Variants in CNTNAP5 observed in about 807,000 individuals in gnomAD.
The protein encoded by CNTNAP5 is contactin associated protein family member 5.
CNTNAP5 carries 72 observed loss-of-function variants against 150.2 expected under a neutral mutation model. The ratio of observed to expected loss-of-function variants is 0.48; its 90% CI spans 0.40 to 0.58. The LOEUF (loss-of-function observed/expected upper bound fraction) is 0.58. Ranked by LOEUF, CNTNAP5 falls within the 20% of genes least tolerant of loss-of-function variation. The probability of loss-of-function intolerance (pLI) is 0.00; values close to 1 mark genes in which losing one functional copy is unlikely to be tolerated. For synonymous variants in CNTNAP5, 672 were observed against 619.8 expected (o/e 1.08, Z -1.25); for missense variants, 1,636 against 1,626.2 (o/e 1.01, Z -0.10).
intron 3 of CNTNAP5, among the ~76,000 whole-genome samples, chr2:124,264,089 A>C (rs1004256709): frequency 6.6e-6 from 1 of 152,052 alleles, no homozygotes; most frequent in East Asian, 1.9e-4. Context: ...TATTTTTGCT[A>C]TATGTAGGAA....
intron 1 of CNTNAP5, among the ~76,000 whole-genome samples, chr2:124,031,103 T>C (rs1321192923): frequency 8.9e-4 from 1 of 1,122 alleles, no homozygotes; most frequent in Admixed American, 0.015. Context: ...ATACCCTTTT[T>C]CTTTGTTATC....
At chr2:124,730,462 C>A (rs1250576433) in intron 13 of CNTNAP5, among the ~76,000 whole-genome samples, 1 of 151,912 alleles carries the variant, frequency 6.6e-6, no homozygotes, top group Admixed American at 6.6e-5. Context: ...TCATCCCTGC[C>A]CTTAAGTAGA....
At chr2:124,160,402 A>G (rs1470825315) in intron 1 of CNTNAP5, among the ~76,000 whole-genome samples, 1 of 152,020 alleles carries the variant, frequency 6.6e-6, no homozygotes, top group African/African-American at 2.4e-5. Context: ...GTGGAAAGAA[A>G]TGGGATAACA....
chr2:124,329,264 TGTG>T (rs1689291555), intron 3 of CNTNAP5, among the ~76,000 whole-genome samples: 1 of 152,206 alleles, frequency 6.6e-6, no homozygotes, highest in Non-Finnish European at 1.5e-5. Flanking sequence ...AAATGTGTGG[TGTG>T]GTGACAACTT....
At chr2:124,586,412 G>A (rs1226651898) in intron 11 of CNTNAP5, among the ~76,000 whole-genome samples, 2 of 152,136 alleles carry the variant, frequency 1.3e-5, no homozygotes, top group Non-Finnish European at 2.9e-5. Context: ...GCGGAGCCAG[G>A]AGCGGGTGCT....
intron 13 of CNTNAP5, among the ~76,000 whole-genome samples, chr2:124,673,101 G>T (rs181189658): frequency 2.6e-5 from 4 of 152,244 alleles, no homozygotes; most frequent in Admixed American, 2.0e-4. Context: ...AATGTAAATT[G>T]TGTGCTTAAT....
intron 13 of CNTNAP5, among the ~76,000 whole-genome samples, chr2:124,694,433 A>G (rs1186593598): frequency 1.3e-5 from 2 of 152,132 alleles, no homozygotes; most frequent in East Asian, 3.9e-4. Context: ...GCTCTTTTCT[A>G]TAGTGAAATA....
intron 8 of CNTNAP5, among the ~76,000 whole-genome samples, chr2:124,519,474 G>A (rs1192049668): frequency 6.6e-6 from 1 of 152,150 alleles, no homozygotes; most frequent in African/African-American, 2.4e-5. Flanking sequence ...AGGGCTGGCT[G>A]GAGTTGCCAG....
At chr2:124,163,601 G>T (rs1215540422) in intron 1 of CNTNAP5, among the ~76,000 whole-genome samples, 1 of 152,052 alleles carries the variant, frequency 6.6e-6, no homozygotes, top group African/African-American at 2.4e-5. Flanking sequence ...GTCAATACAA[G>T]CAACACTGGC....
chr2:124,644,573 A>G (rs1256975168), intron 12 of CNTNAP5, among the ~76,000 whole-genome samples: 5 of 152,362 alleles, frequency 3.3e-5, no homozygotes, highest in South Asian at 4.1e-4. Context: ...ATGAAAATCT[A>G]TGTTTACTTA....
chr2:124,342,050 C>T (rs1231250187), intron 3 of CNTNAP5, among the ~76,000 whole-genome samples: 4 of 152,118 alleles, frequency 2.6e-5, no homozygotes, highest in Non-Finnish European at 5.9e-5. Context: ...AGGATAAAAT[C>T]TCAAACACGA....
intron 10 of CNTNAP5, among the ~76,000 whole-genome samples, chr2:124,559,172 G>A (rs1384107471): frequency 6.6e-6 from 1 of 152,042 alleles, no homozygotes; most frequent in African/African-American, 2.4e-5. Context: ...TCTATTACCT[G>A]GATTGTCAAT....
In CNTNAP5 at chr2:124,261,952, T is replaced by C. The variant is rs75720171; in HGVS notation, c.381+19559T>C. 5.2e-3 allele frequency among the ~76,000 whole-genome samples: 797 copies of C among 152,314 alleles called. 7 individuals carry two copies. The highest frequency in any genetic ancestry group is 0.012 in the African/African-American group (516 of 41,578). ...ATTGTAGCTACTTATTAGTTATTTA[T>C]AACCCACCACAGCTGGTTCGGTGGC... On this transcript the variant is annotated intron_variant, in intron 3 of 23. Transcript: ENST00000682447.
intron 3 of CNTNAP5, among the ~76,000 whole-genome samples, chr2:124,361,910 C>T (rs957351089): frequency 2.0e-5 from 3 of 151,866 alleles, no homozygotes; most frequent in Admixed American, 6.6e-5. Context: ...CCCCCAGCCT[C>T]GCTGCCGCCT....
At chr2:124,470,959 T>C (rs1003232482) in intron 6 of CNTNAP5, among the ~76,000 whole-genome samples, 31 of 152,258 alleles carry the variant, frequency 2.0e-4, no homozygotes, top group African/African-American at 7.5e-4. Flanking sequence ...TACCATGCTG[T>C]TTTGGTTAGT....
intron 7 of CNTNAP5, among the ~76,000 whole-genome samples, chr2:124,485,591 C>A (rs1389293872): frequency 3.4e-5 from 4 of 116,032 alleles, no homozygotes; most frequent in Non-Finnish European, 6.5e-5. Context: ...CCAGCCTGGG[C>A]GACACAGAAA....
chr2:124,842,732 T>C (rs1682969506), intron 19 of CNTNAP5, among the ~76,000 whole-genome samples: 1 of 152,114 alleles, frequency 6.6e-6, no homozygotes, highest in African/African-American at 2.4e-5. Flanking sequence ...GTTTGGGGAT[T>C]TGGTACCTGT....
intron 11 of CNTNAP5, among the ~76,000 whole-genome samples, chr2:124,602,842 A>G (rs1697015286): frequency 6.6e-6 from 1 of 152,178 alleles, no homozygotes; most frequent in Non-Finnish European, 1.5e-5. Context: ...TACTACAACT[A>G]CAGTATTCAT....
intron 2 of CNTNAP5, among the ~76,000 whole-genome samples, chr2:124,229,459 C>A (rs1461992999): frequency 6.6e-6 from 1 of 152,116 alleles, no homozygotes; most frequent in Non-Finnish European, 1.5e-5. Flanking sequence ...CTCACTTCCA[C>A]AAACACTTCA....
Sources: allele counts gnomAD v4.1 joint callset (sites outside exome capture counted in the v4.1 genomes callset), GRCh38; gene constraint gnomAD v4.1.1; transcripts MANE v1.5; gene names NCBI Gene and HGNC (gene_info 2026-07-23, HGNC 2026-07-21).